Variants in CES5A observed in about 807,000 individuals in gnomAD.
The protein encoded by CES5A is carboxylesterase 5A.
CES5A carries 67 observed loss-of-function variants against 62.9 expected under a neutral mutation model. That is an observed-to-expected ratio of 1.07 (90% CI 0.88 to 1.31). CES5A has a LOEUF of 1.31. CES5A is among the 50% of genes most tolerant of loss of function. The probability of loss-of-function intolerance (pLI) is 0.00; values close to 1 mark genes in which losing one functional copy is unlikely to be tolerated. For synonymous variants in CES5A, 296 were observed against 280.8 expected, an observed-to-expected ratio of 1.05 and a Z score of -0.54; for missense variants, 748 against 708.5, an observed-to-expected ratio of 1.06 and a Z score of -0.63.
chr16:55,865,205 T>TCAAAA (rs1597120273), intron 5 of CES5A, among the ~76,000 whole-genome samples: 1 of 152,008 alleles, frequency 6.6e-6, no homozygotes, highest in Non-Finnish European at 1.5e-5. Context: ...AAACTCCATC[T>TCAAAA]CAAAACAAAA....
intron 2 of CES5A, among the ~76,000 whole-genome samples, chr16:55,937,843 C>A (rs1201216289): frequency 6.6e-6 from 1 of 152,152 alleles, no homozygotes; most frequent in African/African-American, 2.4e-5. Flanking sequence ...GGGCTACAAG[C>A]TTACTGTCTT....
chr16:55,849,560 C>T, intron 11 of CES5A, 64 bp downstream of exon 11: 1 of 1,573,446 alleles, frequency 6.4e-7, no homozygotes, highest in Admixed American at 1.8e-5. Flanking sequence ...CCTCCAGGCG[C>T]TTGCATCGTG....
chr16:55,851,878 T>C (rs2033140695), intron 10 of CES5A, among the ~76,000 whole-genome samples: 1 of 152,228 alleles, frequency 6.6e-6, no homozygotes, highest in African/African-American at 2.4e-5. Flanking sequence ...GAAATTCTGA[T>C]GTATAGTACA....
chr16:55,848,305 G>A (rs1371372173), intron 11 of CES5A, among the ~76,000 whole-genome samples: 1 of 151,778 alleles, frequency 6.6e-6, no homozygotes, highest in Non-Finnish European at 1.5e-5. Flanking sequence ...ATTTTGTAGA[G>A]AGGGGGTCTT....
chr16:55,909,563 C>T (rs866095117), intron 1 of CES5A, among the ~76,000 whole-genome samples: 4 of 131,990 alleles, frequency 3.0e-5, no homozygotes, highest in African/African-American at 9.8e-5. Context: ...TGAGTGCGTG[C>T]GCACGTGCAC....
chr16:55,888,779 G>A (rs2033842700), intron 1 of CES5A, among the ~76,000 whole-genome samples: 1 of 152,170 alleles, frequency 6.6e-6, no homozygotes, highest in Non-Finnish European at 1.5e-5. Context: ...TAGATGACAA[G>A]GCTAAGACAC....
intron 1 of CES5A, among the ~76,000 whole-genome samples, chr16:55,884,803 G>A (rs2033797926): frequency 6.6e-6 from 1 of 152,022 alleles, no homozygotes; most frequent in Admixed American, 6.6e-5. Flanking sequence ...TGTTGCCCAG[G>A]TTGGTCTTGA....
At chr16:55,870,390 TGAA>T (rs1339401443) in intron 3 of CES5A, among the ~76,000 whole-genome samples, 7 of 150,620 alleles carry the variant, frequency 4.6e-5, no homozygotes, top group African/African-American at 1.2e-4. Context: ...GGATGAAAAA[TGAA>T]GAAAGAAGGA....
At chr16:55,861,650 C>A (rs1289549630) in intron 6 of CES5A, 134 bp from the exon 7 acceptor site, 2 of 685,604 alleles carry the variant, frequency 2.9e-6, no homozygotes, top group East Asian at 2.7e-5. Context: ...ACTGCCTAGA[C>A]CCACACCCCT....
chr16:55,942,403 C>T (rs1597160305), intron 2 of CES5A, among the ~76,000 whole-genome samples: 1 of 152,014 alleles, frequency 6.6e-6, no homozygotes, highest in Non-Finnish European at 1.5e-5. Flanking sequence ...TTAAACTGGG[C>T]AAATAACTTA....
At chr16:55,904,962 A>G (rs1380041483) in intron 1 of CES5A, among the ~76,000 whole-genome samples, 1 of 152,226 alleles carries the variant, frequency 6.6e-6, no homozygotes, top group Non-Finnish European at 1.5e-5. Context: ...TGTCTCACCC[A>G]AAGAGAGTAT....
chr16:55,871,541 A>T, intron 3 of CES5A, 84 bp downstream of exon 3: 1 of 1,510,412 alleles, frequency 6.6e-7, no homozygotes, highest in Non-Finnish European at 9.0e-7. Context: ...GGTAGTTCCA[A>T]TTCCAGACAT....
chr16:55,900,589 A>C (rs188410200), intron 1 of CES5A, among the ~76,000 whole-genome samples: 1 of 152,326 alleles, frequency 6.6e-6, no homozygotes, highest in East Asian at 1.9e-4. Context: ...TGCCACAGCC[A>C]CTTCCAGGGG....
intron 10 of CES5A, among the ~76,000 whole-genome samples, chr16:55,850,727 C>A (rs974970974): frequency 6.6e-6 from 1 of 152,150 alleles, no homozygotes; most frequent in Non-Finnish European, 1.5e-5. Context: ...TTTCAATTAT[C>A]TTGAGTATAT....
intron 2 of CES5A, among the ~76,000 whole-genome samples, chr16:55,932,337 A>G (rs572042522): frequency 1.3e-5 from 2 of 152,286 alleles, no homozygotes; most frequent in South Asian, 4.1e-4. Context: ...TTCTTTATAA[A>G]TTGCCCAGTC....
intron 10 of CES5A, among the ~76,000 whole-genome samples, chr16:55,852,644 A>C (rs116594117): frequency 2.5e-3 from 384 of 152,332 alleles, no homozygotes; most frequent in South Asian, 0.023. Flanking sequence ...TGAGAATTTT[A>C]TACATGGTCC....
chr16:55,937,457 T>C (rs1431237477), intron 2 of CES5A, among the ~76,000 whole-genome samples: 1 of 152,230 alleles, frequency 6.6e-6, no homozygotes, highest in East Asian at 1.9e-4. Context: ...TCACATTCCA[T>C]TGCCCGCAGC....
At chr16:55,877,452 GTA>G (rs201480986), upstream of CES5A, among the ~76,000 whole-genome samples, 2,797 of 120,744 alleles carry the variant, frequency 0.023, 78 homozygotes, top group East Asian at 0.12. Flanking sequence ...GTATATATAT[GTA>G]TGTGTGTGTG....
chr16:55,887,046 G>A (rs1050869999), intron 1 of CES5A, among the ~76,000 whole-genome samples: 6 of 152,208 alleles, frequency 3.9e-5, no homozygotes, highest in East Asian at 1.9e-4. Context: ...GTATCAACAC[G>A]CTGCAGGGTT....
Sources: gnomAD v4.1 joint callset for allele counts (sites outside exome capture counted in the v4.1 genomes callset) on GRCh38, gnomAD v4.1.1 for gene constraint, MANE v1.5 for transcripts, NCBI Gene and HGNC (gene_info 2026-07-23, HGNC 2026-07-21) for gene names.